The following DIXDC1 variants were observed in gnomAD, a reference collection of about 807,000 sequenced individuals.
DIXDC1 encodes dixin.
Under a neutral mutation model 103.1 loss-of-function variants are expected in DIXDC1, and 64 were observed. The ratio of observed to expected loss-of-function variants is 0.62; its 90% confidence interval spans 0.51 to 0.76. The LOEUF is 0.76. DIXDC1 is among the 30% of genes least tolerant of loss of function. The probability of loss-of-function intolerance (pLI) is 0.00; values close to 1 mark genes in which losing one functional copy is unlikely to be tolerated. For missense variants in DIXDC1, 759 were observed against 834.2 expected, an observed-to-expected ratio of 0.91 and a Z score of 1.11; for synonymous variants, 266 against 298.5, an observed-to-expected ratio of 0.89 and a Z score of 1.12.
At chr11:111,968,782 A>G (rs1859817214) in intron 3 of DIXDC1, 144 bp downstream of exon 3, 2 of 1,121,408 alleles carry the variant, frequency 1.8e-6, no homozygotes, top group African/African-American at 3.2e-5. Context: ...TTTCATGATT[A>G]TTATTTTTTG....
At chr11:111,986,453 C>T (rs1020715648) in intron 8 of DIXDC1, among the ~76,000 whole-genome samples, 1 of 150,580 alleles carries the variant, frequency 6.6e-6, no homozygotes, top group Non-Finnish European at 1.5e-5. Flanking sequence ...CAACCTCTGC[C>T]TCCCGGGTTC....
At chr11:111,991,484 G>A (rs1417814684) in intron 10 of DIXDC1, among the ~76,000 whole-genome samples, 2 of 152,130 alleles carry the variant, frequency 1.3e-5, no homozygotes, top group Non-Finnish European at 2.9e-5. Context: ...ATTAAGAATG[G>A]GCTCCCACAT....
intron 1 of DIXDC1, among the ~76,000 whole-genome samples, chr11:111,939,504 G>C (rs1966346099): frequency 6.6e-6 from 1 of 152,064 alleles, no homozygotes. Context: ...TACCCATTCT[G>C]TAAACTTCCC....
intron 3 of DIXDC1, among the ~76,000 whole-genome samples, chr11:111,972,135 G>GA (rs1330382017): frequency 6.6e-6 from 1 of 151,104 alleles, no homozygotes; most frequent in Non-Finnish European, 1.5e-5. Flanking sequence ...AGGTGAAAAA[G>GA]AAAAAAAACA....
chr11:111,944,332 G>A (rs1966523751), intron 1 of DIXDC1, among the ~76,000 whole-genome samples: 1 of 152,104 alleles, frequency 6.6e-6, no homozygotes, highest in African/African-American at 2.4e-5. Context: ...TCGCCTCCTT[G>A]GCTGTTTCTG....
chr11:111,994,454 TAC>T (rs587616495), intron 14 of DIXDC1, among the ~76,000 whole-genome samples: 4 of 151,422 alleles, frequency 2.6e-5, no homozygotes, highest in Admixed American at 2.0e-4. Context: ...TATATATACA[TAC>T]ACACATATAC....
chr11:111,950,365 A>G (rs1966737816), intron 1 of DIXDC1, among the ~76,000 whole-genome samples: 1 of 138,456 alleles, frequency 7.2e-6, no homozygotes, highest in Non-Finnish European at 1.5e-5. Context: ...TTGAATAGCA[A>G]TATTTCTTAT....
intron 17 of DIXDC1, among the ~76,000 whole-genome samples, chr11:112,015,799 C>CTTTTTT (rs782121271): frequency 3.8e-4 from 18 of 47,018 alleles, no homozygotes; most frequent in East Asian, 9.1e-4. Flanking sequence ...GAGACCCTGT[C>CTTTTTT]TTTTTTTTTT....
chr11:111,941,341 C>T (rs1966408597), intron 1 of DIXDC1, among the ~76,000 whole-genome samples: 1 of 152,042 alleles, frequency 6.6e-6, no homozygotes, highest in East Asian at 1.9e-4. Flanking sequence ...GTGTGCATGG[C>T]CTGGGGGCTG....
intron 5 of DIXDC1, among the ~76,000 whole-genome samples, chr11:111,980,477 A>G (rs986140114): frequency 6.6e-6 from 1 of 152,184 alleles, no homozygotes; most frequent in Non-Finnish European, 1.5e-5. Flanking sequence ...TCTCTTCTCA[A>G]TGAATTAGGC....
At chr11:111,931,362 A>G (rs1289628886) in intron 2 of DIXDC1, among the ~76,000 whole-genome samples, 1 of 150,562 alleles carries the variant, frequency 6.6e-6, no homozygotes, top group Non-Finnish European at 1.5e-5. Context: ...TTAAAGACTG[A>G]TGTCAGGCCA....
In DIXDC1 at chr11:112,017,496, G is replaced by T. The variant is rs1280362911; in HGVS notation, c.1863-281G>T. 1.4e-5 allele frequency: 3 copies of T among 216,446 alleles called. 1 individual carries two copies. The highest frequency in any genetic ancestry group is 1.8e-5 in the Non-Finnish European group (2 of 108,818). The allele number at this position is 216,446 out of a possible 1,614,324, so 13.4% of individuals were successfully genotyped here. ...GTTATTCAACAAATTTTATTTCAGGGACTTTATATCTTATTTCCAGAGAAA... is the reference window on the plus strand; with the variant it reads ...GTTATTCAACAAATTTTATTTCAGGTACTTTATATCTTATTTCCAGAGAAA... On this transcript the variant is annotated intron_variant, in intron 18 of 19. Coordinates refer to ENST00000440460, the MANE Select transcript of DIXDC1 (RefSeq NM_001037954.4). The surrounding 1 kb of genome is among the most constrained non-coding windows in gnomAD (Gnocchi z 4.0).
chr11:111,935,904 T>A (rs1359273779), upstream of DIXDC1, among the ~76,000 whole-genome samples: 2 of 152,232 alleles, frequency 1.3e-5, no homozygotes, highest in African/African-American at 4.8e-5. Flanking sequence ...CTGCCTGTTG[T>A]GGTCAGGGAG....
At position 111,958,696 on chromosome 11, in the gene DIXDC1, C is replaced by A. The variant is rs925720930; in HGVS notation, c.61-5853C>A. Among the ~76,000 whole-genome samples the A allele has an allele frequency of 1.9e-4, 29 of 152,132 alleles. No homozygotes were observed. The highest frequency in any genetic ancestry group is 3.4e-4 in the Non-Finnish European group (23 of 68,002). ...ACCTTCAAACCAGGGAGGCCTGAAGCCTGGGGGGTCAGGCTGCCAGCCCCG... is the reference window on the plus strand; with the variant it reads ...ACCTTCAAACCAGGGAGGCCTGAAGACTGGGGGGTCAGGCTGCCAGCCCCG... On this transcript the variant is annotated intron_variant, in intron 1 of 19. Coordinates refer to ENST00000440460, the MANE Select transcript of DIXDC1 (RefSeq NM_001037954.4). This position sits in a 1 kb window ranked among gnomAD's most constrained non-coding sequence, Gnocchi z 4.2.
chr11:111,946,471 A>G (rs1181335765), intron 1 of DIXDC1, among the ~76,000 whole-genome samples: 9 of 151,812 alleles, frequency 5.9e-5, no homozygotes, highest in African/African-American at 2.2e-4. Flanking sequence ...CTATCTGCCC[A>G]CCTTGGCCTC....
intron 10 of DIXDC1, among the ~76,000 whole-genome samples, chr11:111,989,529 C>G (rs1024055584): frequency 6.7e-6 from 1 of 148,410 alleles, no homozygotes; most frequent in African/African-American, 2.5e-5. Flanking sequence ...GAGGCTGAGG[C>G]AGGAGAATCG....
At chr11:111,949,616 C>T (rs185182361) in intron 1 of DIXDC1, among the ~76,000 whole-genome samples, 64 of 152,360 alleles carry the variant, frequency 4.2e-4, no homozygotes, top group Non-Finnish European at 7.3e-4. Context: ...TTTCACTCTC[C>T]TGTTTCACAA....
chr11:111,931,073 C>T (rs1462714723), intron 2 of DIXDC1, among the ~76,000 whole-genome samples: 6 of 151,862 alleles, frequency 4.0e-5, no homozygotes, highest in South Asian at 4.2e-4. Context: ...AGGCTGGTCT[C>T]GAACTCCTGA....
rs191091116 is a variant in DIXDC1, at chr11:111,927,889, G to A, written c.-37+502G>A. 1.2e-3 allele frequency among the ~76,000 whole-genome samples: 180 copies of A among 151,646 alleles called. 1 individual carries two copies. Among genetic ancestry groups the A allele is most frequent in the African/African-American group, 4.0e-3 (165 of 41,316 alleles). Reference sequence around the variant, plus strand: ...AAATTAGCCAGGCATGGTGGCACGGGCCTGTAATCCCAGCTACTCAGGAGA... The same window carrying A: ...AAATTAGCCAGGCATGGTGGCACGGACCTGTAATCCCAGCTACTCAGGAGA... On this transcript the variant is annotated intron_variant, in intron 1 of 5. Coordinates refer to the DIXDC1 transcript ENST00000529225.
Sources: allele counts gnomAD v4.1 joint callset (sites outside exome capture counted in the v4.1 genomes callset), GRCh38; gene constraint gnomAD v4.1.1; non-coding constraint Gnocchi (gnomAD v3.1); transcripts MANE v1.5; gene names NCBI Gene and HGNC (gene_info 2026-07-23, HGNC 2026-07-21).